The following CFAP299 variants were observed in gnomAD, a reference collection of about 807,000 sequenced individuals.
CFAP299 encodes the protein cilia and flagella associated protein 299, also known as cilia- and flagella-associated protein 299.
CFAP299 carries 21 observed loss-of-function variants against 27.0 expected under a neutral mutation model. The observed-to-expected ratio is 0.78, with a 90% CI of 0.55 to 1.12. The LOEUF is 1.12. CFAP299 is among the 50% of genes most tolerant of loss of function. The pLI is 0.00. For missense variants in CFAP299, 310 were observed against 276.6 expected, an observed-to-expected ratio of 1.12 and a Z score of -0.86; for synonymous variants, 104 against 98.1, an observed-to-expected ratio of 1.06 and a Z score of -0.36.
chr4:80,747,286 G>A (rs1724676332), intron 3 of CFAP299, among the ~76,000 whole-genome samples: 1 of 151,952 alleles, frequency 6.6e-6, no homozygotes, highest in African/African-American at 2.4e-5. Flanking sequence ...ATACTTTTAT[G>A]TGACTGGCAG....
intron 2 of CFAP299, among the ~76,000 whole-genome samples, chr4:80,478,103 T>A (rs758078044): frequency 6.6e-6 from 1 of 152,228 alleles, no homozygotes; most frequent in Admixed American, 6.5e-5. Flanking sequence ...TCCTTCCTCA[T>A]ATATTATTTA....
chr4:80,656,125 T>C (rs1279761791), intron 3 of CFAP299, among the ~76,000 whole-genome samples: 1 of 152,210 alleles, frequency 6.6e-6, no homozygotes, highest in Non-Finnish European at 1.5e-5. Flanking sequence ...TTTGCATTGT[T>C]CATTTTTAAG....
At chr4:80,407,321 C>G (rs1196933074) in intron 2 of CFAP299, among the ~76,000 whole-genome samples, 2 of 152,142 alleles carry the variant, frequency 1.3e-5, no homozygotes, top group African/African-American at 4.8e-5. Flanking sequence ...TTATTCAGCT[C>G]ACAAGTGTAT....
chr4:80,399,190 A>C (rs1725996512), intron 2 of CFAP299, among the ~76,000 whole-genome samples: 1 of 152,198 alleles, frequency 6.6e-6, no homozygotes, highest in South Asian at 2.1e-4. Context: ...TTCGGGAAAC[A>C]ACATATGCTG....
chr4:80,798,848 T>G (rs148168319), intron 3 of CFAP299, among the ~76,000 whole-genome samples: 1 of 151,936 alleles, frequency 6.6e-6, no homozygotes, highest in South Asian at 2.1e-4. Context: ...GAATCAGAAA[T>G]GTCAAATGCA....
At chr4:80,931,728 ACACACACACACGCACACACG>A (rs1736627807) in intron 4 of CFAP299, among the ~76,000 whole-genome samples, 1 of 151,840 alleles carries the variant, frequency 6.6e-6, no homozygotes, top group African/African-American at 2.4e-5. Context: ...ACGCACACAC[ACACACACACACGCACACACG>A]CACACACACA....
chr4:80,344,892 A>G (rs1722648272), intron 1 of CFAP299, among the ~76,000 whole-genome samples: 1 of 152,216 alleles, frequency 6.6e-6, no homozygotes, highest in Non-Finnish European at 1.5e-5. Context: ...ATAAAAAACC[A>G]CATGATTATC....
intron 2 of CFAP299, among the ~76,000 whole-genome samples, chr4:80,442,518 G>A (rs1244824054): frequency 2.0e-5 from 3 of 152,162 alleles, no homozygotes; most frequent in African/African-American, 7.2e-5. Flanking sequence ...TGAGAAAAAA[G>A]ACACAACATA....
intron 2 of CFAP299, among the ~76,000 whole-genome samples, chr4:80,401,819 C>T (rs1374527069): frequency 1.3e-5 from 2 of 152,164 alleles, no homozygotes; most frequent in Non-Finnish European, 2.9e-5. Context: ...CATAGACACT[C>T]AATGCCAGCC....
chr4:80,322,771 G>T, the CFAP299 span, among the ~76,000 whole-genome samples: 1 of 152,146 alleles, frequency 6.6e-6, no homozygotes, highest in Non-Finnish European at 1.5e-5. Context: ...ATCTTTGGCT[G>T]GAATTTCAGG....
chr4:80,712,815 T>C (rs1368717666), intron 3 of CFAP299, among the ~76,000 whole-genome samples: 2 of 152,200 alleles, frequency 1.3e-5, no homozygotes, highest in Non-Finnish European at 2.9e-5. Flanking sequence ...TAAGTGCCCA[T>C]ATTTATGTAT....
intron 5 of CFAP299, among the ~76,000 whole-genome samples, chr4:80,946,784 C>A (rs556310569): frequency 8.5e-5 from 13 of 152,228 alleles, no homozygotes; most frequent in African/African-American, 3.1e-4. Context: ...TCTAGTGGTT[C>A]TTCTTTACTT....
At chr4:80,687,487 TGAG>T (rs572992664) in intron 3 of CFAP299, among the ~76,000 whole-genome samples, 111 of 152,296 alleles carry the variant, frequency 7.3e-4, no homozygotes, top group African/African-American at 2.5e-3. Flanking sequence ...GAATTTCAAC[TGAG>T]GTGAGCCATT....
intron 2 of CFAP299, among the ~76,000 whole-genome samples, chr4:80,399,310 A>T (rs944647107): frequency 6.6e-6 from 1 of 152,192 alleles, no homozygotes; most frequent in African/African-American, 2.4e-5. Flanking sequence ...AGAACTAGAA[A>T]TACCATTTGA....
At chr4:80,580,598 A>G (rs1212223734) in intron 2 of CFAP299, among the ~76,000 whole-genome samples, 3 of 152,028 alleles carry the variant, frequency 2.0e-5, no homozygotes, top group African/African-American at 7.2e-5. Context: ...GAACCAAGTT[A>G]ACAAATTTTC....
At chr4:80,959,091 A>G (rs1472530495) in intron 5 of CFAP299, among the ~76,000 whole-genome samples, 1 of 152,168 alleles carries the variant, frequency 6.6e-6, no homozygotes, top group African/African-American at 2.4e-5. Context: ...TGTGGTATGC[A>G]AAACAATGAT....
intron 4 of CFAP299, among the ~76,000 whole-genome samples, chr4:80,942,309 G>A (rs962702083): frequency 6.6e-6 from 1 of 152,104 alleles, no homozygotes; most frequent in Non-Finnish European, 1.5e-5. Flanking sequence ...TGCAGGCTCT[G>A]GAGTCAGTCT....
At chr4:80,894,944 T>G (rs1433628976) in intron 4 of CFAP299, among the ~76,000 whole-genome samples, 1 of 151,876 alleles carries the variant, frequency 6.6e-6, no homozygotes, top group Admixed American at 6.6e-5. Flanking sequence ...ACTTTATATG[T>G]GGAATCTAAA....
intron 2 of CFAP299, among the ~76,000 whole-genome samples, chr4:80,479,890 T>C (rs536915348): frequency 6.6e-6 from 1 of 152,076 alleles, no homozygotes; most frequent in East Asian, 1.9e-4. Context: ...TGGGAAGTCT[T>C]AAGAGACCAA....
Sources: gnomAD v4.1 joint callset for allele counts (sites outside exome capture counted in the v4.1 genomes callset) on GRCh38, gnomAD v4.1.1 for gene constraint, MANE v1.5 for transcripts, NCBI Gene and HGNC (gene_info 2026-07-23, HGNC 2026-07-21) for gene names.